Variants in XRRA1 observed in about 807,000 individuals in gnomAD.
XRRA1 encodes the protein X-ray radiation resistance associated 1.
A neutral mutation model predicts 80.2 loss-of-function variants in XRRA1; 69 were observed. That is an observed-to-expected ratio of 0.86 (90% CI 0.71 to 1.05). The LOEUF is 1.05. Ranked by LOEUF, XRRA1 falls within the 50% of genes least tolerant of loss-of-function variation. XRRA1 has a pLI of 0.00. For synonymous variants in XRRA1, 348 were observed against 389.9 expected, an observed-to-expected ratio of 0.89 and a Z score of 1.27; for missense variants, 967 against 976.4, an observed-to-expected ratio of 0.99 and a Z score of 0.13.
chr11:74,883,183 T>A (rs189942983), intron 10 of XRRA1, among the ~76,000 whole-genome samples: 1 of 152,294 alleles, frequency 6.6e-6, no homozygotes. Flanking sequence ...CGTAGGACCC[T>A]CCGAGCCAGG....
At chr11:74,919,626 C>T (rs950154077) in intron 8 of XRRA1, 24 of 552,818 alleles carry the variant, frequency 4.3e-5, no homozygotes, top group Middle Eastern at 5.1e-4. Flanking sequence ...GAAAAAGGGC[C>T]GTTCTGCCAT....
intron 12 of XRRA1, among the ~76,000 whole-genome samples, chr11:74,853,775 G>A (rs1006966803): frequency 2.6e-5 from 4 of 152,212 alleles, no homozygotes; most frequent in Non-Finnish European, 5.9e-5. Context: ...AAAAATGTGT[G>A]AAAGGCCTCA....
chr11:74,903,873 A>G (rs2054047440), intron 10 of XRRA1, among the ~76,000 whole-genome samples: 1 of 152,212 alleles, frequency 6.6e-6, no homozygotes, highest in Non-Finnish European at 1.5e-5. Flanking sequence ...TTACAAAGAT[A>G]AATACATATA....
chr11:74,864,037 GA>G (rs1241853080), intron 10 of XRRA1: 1 of 151,968 alleles, frequency 6.6e-6, no homozygotes, highest in African/African-American at 2.4e-5. Context: ...CAAAAAGACT[GA>G]ATAATCAAGA....
At chr11:74,878,781 C>T (rs371374953) in intron 10 of XRRA1, among the ~76,000 whole-genome samples, 175 of 151,084 alleles carry the variant, frequency 1.2e-3, no homozygotes, top group Middle Eastern at 3.4e-3. Flanking sequence ...TGTAGATATG[C>T]GGCATTATTT....
intron 1 of XRRA1, among the ~76,000 whole-genome samples, chr11:74,947,529 C>G (rs1049912198): frequency 2.6e-4 from 40 of 151,920 alleles, no homozygotes; most frequent in African/African-American, 9.7e-4. Context: ...CAGAGTGAGA[C>G]TCTGTCTCAA....
At chr11:74,931,994 A>T (rs1275547139) in intron 5 of XRRA1, among the ~76,000 whole-genome samples, 1 of 152,160 alleles carries the variant, frequency 6.6e-6, no homozygotes, top group East Asian at 1.9e-4. Context: ...GAGGCTGAAT[A>T]TCTTTTTCTA....
At chr11:74,924,787 T>A (rs112199518) in intron 7 of XRRA1, among the ~76,000 whole-genome samples, 1,636 of 152,288 alleles carry the variant, frequency 0.011, 32 homozygotes, top group African/African-American at 0.035. Flanking sequence ...AAGCTGAGAT[T>A]GTGCCACTTA....
rs1591451756 is a variant in XRRA1, at chr11:74,843,189, C to A, written c.*11G>T. 6.5e-7 allele frequency: 1 copy of A among 1,550,372 alleles called. No individual in the cohort carries two copies. The highest frequency in any genetic ancestry group is 8.7e-7 in the Non-Finnish European group (1 of 1,146,408). On this transcript the variant is annotated 3_prime_UTR_variant, in exon 19 of 19. Transcript: ENST00000684022. ...CAGGCCGGGTGGTGCACACAGCCCC[C>A]ATGCACAGCTCTAGCCTTGTGAGTC...
intron 15 of XRRA1, among the ~76,000 whole-genome samples, chr11:74,846,905 C>A (rs530835700): frequency 1.3e-5 from 2 of 150,960 alleles, no homozygotes; most frequent in South Asian, 2.1e-4. Context: ...GACAATTAGG[C>A]CAGAAAAAAA....
At chr11:74,868,862 G>C (rs931053986) in intron 10 of XRRA1, among the ~76,000 whole-genome samples, 2 of 152,090 alleles carry the variant, frequency 1.3e-5, no homozygotes, top group Non-Finnish European at 2.9e-5. Context: ...GTTGCTTTTA[G>C]AGACATATAA....
chr11:74,848,012 T>C (rs2038748022), intron 15 of XRRA1, 103 bp downstream of exon 15: 2 of 1,042,086 alleles, frequency 1.9e-6, no homozygotes, highest in African/African-American at 1.6e-5. Context: ...AGACCTGCCA[T>C]GTGCTTGTTG....
intron 10 of XRRA1, among the ~76,000 whole-genome samples, chr11:74,884,017 G>A (rs1175261537): frequency 2.0e-5 from 3 of 152,030 alleles, no homozygotes; most frequent in Non-Finnish European, 1.5e-5. Context: ...GGGCTAACAT[G>A]GTGAAACCCC....
In XRRA1 at chr11:74,895,294, A is replaced by G. The variant is rs184133169; in HGVS notation, c.1003+10945T>C. Among the ~76,000 whole-genome samples the G allele has an allele frequency of 4.3e-3, 653 of 152,108 alleles. 4 individuals carry two copies. The highest frequency in any genetic ancestry group is 0.015 in the African/African-American group (622 of 41,486). On this transcript the variant is annotated intron_variant, in intron 10 of 18. Coordinates refer to ENST00000684022, the MANE Select transcript of XRRA1 (RefSeq NM_001378157.1). ...CAGCAACCGAGGGACCTTACATTGA[A>G]CTCCGTGCTGCCCTGTCACAGCAGA...
intron 10 of XRRA1, among the ~76,000 whole-genome samples, chr11:74,879,194 G>C (rs1423068964): frequency 1.3e-5 from 2 of 150,532 alleles, no homozygotes; most frequent in Non-Finnish European, 3.0e-5. Context: ...CTTGTAAGTT[G>C]GATTCCTAGG....
Position 74,842,147 on chromosome 11 carries a change from T to C in XRRA1, c.*1053A>G, listed in dbSNP as rs1431229873. ...ATTCAACCTGCTGTCTGCTTTAGGATTGGAGAAGGTACCTGGATCCTTGTG... is the reference window on the plus strand; with the variant it reads ...ATTCAACCTGCTGTCTGCTTTAGGACTGGAGAAGGTACCTGGATCCTTGTG... On this transcript the variant is annotated 3_prime_UTR_variant, in exon 19 of 19. Transcript: ENST00000684022. 6.6e-6 allele frequency: 1 copy of C among 152,220 alleles called. No homozygotes were observed. The highest frequency in any genetic ancestry group is 1.9e-4 in the East Asian group (1 of 5,198). The allele number at this position is 152,220 out of a possible 1,614,324, so 9.4% of individuals were successfully genotyped here. A position where few individuals can be genotyped will look rare whatever the true frequency, so the allele number is the denominator to read the frequency against.
At chr11:74,936,092 C>A (rs1163861841) in intron 4 of XRRA1, among the ~76,000 whole-genome samples, 2 of 152,204 alleles carry the variant, frequency 1.3e-5, no homozygotes, top group African/African-American at 4.8e-5. Context: ...TCTTGGGAAC[C>A]ATAGCAGAAT....
At chr11:74,901,934 T>C (rs1028083597) in intron 10 of XRRA1, among the ~76,000 whole-genome samples, 1 of 151,932 alleles carries the variant, frequency 6.6e-6, no homozygotes, top group Non-Finnish European at 1.5e-5. Context: ...TCACATCAAG[T>C]TAAAAAGCTT....
intron 6 of XRRA1, among the ~76,000 whole-genome samples, chr11:74,928,290 A>G (rs958850495): frequency 6.6e-6 from 1 of 152,216 alleles, no homozygotes; most frequent in African/African-American, 2.4e-5. Context: ...TAGGTTGGCA[A>G]ATTACATCTG....
Sources: allele counts gnomAD v4.1 joint callset (sites outside exome capture counted in the v4.1 genomes callset), GRCh38; gene constraint gnomAD v4.1.1; transcripts MANE v1.5; gene names NCBI Gene and HGNC (gene_info 2026-07-23, HGNC 2026-07-21).